CPAMD8: variants seen among roughly 807,000 people sequenced by gnomAD.
The protein encoded by CPAMD8 is C3 and PZP-like alpha-2-macroglobulin domain-containing protein 8.
In CPAMD8, 146 loss-of-function variants were observed where a neutral mutation model predicts 224.7. That is an observed-to-expected ratio of 0.65 (90% CI 0.57 to 0.75). The LOEUF is 0.75. Among genes scored for constraint, CPAMD8 ranks in the 30% least tolerant of loss-of-function variants. CPAMD8 has a pLI of 0.00. For synonymous variants in CPAMD8, 966 were observed against 1,044.6 expected (o/e 0.92, Z 1.45); for missense variants, 2,301 against 2,537.5 (o/e 0.91, Z 2.00).
Position 16,980,523 on chromosome 19 carries a change from A to G in CPAMD8, c.1559T>C (p.Ile520Thr), listed in dbSNP as rs1157247547. 6.2e-7 allele frequency: 1 copy of G among 1,613,670 alleles called. No individual in the cohort carries two copies. The highest frequency in any genetic ancestry group is 1.3e-5 in the African/African-American group (1 of 74,902). ...KRAAPALEKPIRLTHLSETEP... is the reference protein window; with the variant it reads ...KRAAPALEKPTRLTHLSETEP... ...TGTCTCAGAAAGGTGTGTTAAACGAATCGGTTTCTCCAGGGCAGGGGCCGC... is the reference window on the plus strand; with the variant it reads ...TGTCTCAGAAAGGTGTGTTAAACGAGTCGGTTTCTCCAGGGCAGGGGCCGC... Residue 520 changes from isoleucine to threonine, a missense_variant, in exon 14 of 42, where the codon ATT becomes ACT. Physicochemically the swap from Ile to Thr is moderately conservative, Grantham distance 89 (BLOSUM62 -1). Transcript: ENST00000443236.
At chr19:16,901,661 C>G (rs1262080172) in intron 35 of CPAMD8, among the ~76,000 whole-genome samples, 1 of 152,202 alleles carries the variant, frequency 6.6e-6, no homozygotes, top group Non-Finnish European at 1.5e-5. Flanking sequence ...TTCAACACTG[C>G]CACCCTGCAG....
At chr19:16,924,839 C>T (rs2053301433) in intron 26 of CPAMD8, among the ~76,000 whole-genome samples, 2 of 152,238 alleles carry the variant, frequency 1.3e-5, no homozygotes, top group South Asian at 4.1e-4. Flanking sequence ...CCTGCCTCGG[C>T]CTCCCAAAGT....
chr19:16,957,156 C>T (rs1185524338), intron 19 of CPAMD8, among the ~76,000 whole-genome samples: 1 of 152,142 alleles, frequency 6.6e-6, no homozygotes, highest in Non-Finnish European at 1.5e-5. Flanking sequence ...TACACATCCC[C>T]CAAAGCAGTC....
chr19:16,960,227 G>T (rs181217798), intron 18 of CPAMD8, among the ~76,000 whole-genome samples: 3 of 151,198 alleles, frequency 2.0e-5, no homozygotes, highest in Admixed American at 2.0e-4. Context: ...AAAAAAAAAG[G>T]CTTTCTCAAA....
chr19:16,899,470 G>A lies in CPAMD8; in HGVS notation c.4848+5C>T, dbSNP rs1210078047. 1 of 1,448,620 alleles carries A rather than the reference G, an allele frequency of 6.9e-7. No homozygotes were observed. Among genetic ancestry groups the A allele is most frequent in the Admixed American group, 1.7e-5 (1 of 59,804 alleles). 89.7% of individuals were successfully genotyped at this position (1,448,620 alleles called of 1,614,324 possible). On this transcript the variant is annotated splice_donor_5th_base_variant and intron_variant, in intron 37 of 41. Coordinates refer to ENST00000443236, the MANE Select transcript of CPAMD8 (RefSeq NM_015692.5). The surrounding 1 kb of genome is among the most constrained non-coding windows in gnomAD (Gnocchi z 5.4). ...GCCTCCTCCACCAACCCCGGCTGGT[G>A]GTACCTCATCAAAGTAGAAGAGCAC...
intron 22 of CPAMD8, among the ~76,000 whole-genome samples, chr19:16,942,267 A>G (rs887076651): frequency 1.3e-5 from 2 of 151,832 alleles, no homozygotes; most frequent in South Asian, 2.1e-4. Context: ...TTCAAGACCA[A>G]CCTGGCCAAC....
intron 15 of CPAMD8, 25 bp downstream of exon 15, chr19:16,977,343 C>G: frequency 6.3e-7 from 1 of 1,577,976 alleles, no homozygotes; most frequent in Non-Finnish European, 8.7e-7. Flanking sequence ...TGGCTGTGTC[C>G]CAGGTTCAGT....
chr19:16,948,848 G>GA (rs2054194856), intron 20 of CPAMD8, among the ~76,000 whole-genome samples: 1 of 117,410 alleles, frequency 8.5e-6, no homozygotes, highest in Admixed American at 9.0e-5. Flanking sequence ...GAAGGGAAGA[G>GA]AAGGGAAGGG....
In CPAMD8 at chr19:16,990,863, C is replaced by CAAAAA. The variant is rs3067791; in HGVS notation, c.1267-1097_1267-1093dup. ...GGGCAATAAGAGCAAAACTCTGTCT[C>CAAAAA]AAAAAAAAAAAAAAAAAAAAAAAAA... On this transcript the variant is annotated intron_variant, in intron 12 of 41. Transcript: ENST00000443236. 1.1e-3 allele frequency among the ~76,000 whole-genome samples: 80 copies of CAAAAA among 73,136 alleles called. 1 individual carries two copies. The highest frequency in any genetic ancestry group is 4.0e-3 in the African/African-American group (67 of 16,596). The allele number at this position is 73,136 out of a possible 152,430, so 48.0% of individuals were successfully genotyped here.
intron 23 of CPAMD8, among the ~76,000 whole-genome samples, chr19:16,930,685 G>A (rs1242264008): frequency 6.6e-6 from 1 of 152,066 alleles, no homozygotes; most frequent in Non-Finnish European, 1.5e-5. Flanking sequence ...GATCCTCGTG[G>A]GCCACAGACT....
intron 26 of CPAMD8, among the ~76,000 whole-genome samples, chr19:16,922,935 C>T (rs11086046): frequency 0.049 from 7,422 of 152,310 alleles, 510 homozygotes; most frequent in African/African-American, 0.15. Flanking sequence ...ATTGCCCCTT[C>T]GTGACTACTG....
chr19:16,992,202 TG>T (rs979130073), intron 12 of CPAMD8, among the ~76,000 whole-genome samples: 2 of 152,154 alleles, frequency 1.3e-5, no homozygotes, highest in African/African-American at 4.8e-5. Context: ...AGCTCCAGTT[TG>T]GAGACCTCTC....
At chr19:16,950,444 CTGCA>C in intron 20 of CPAMD8, among the ~76,000 whole-genome samples, 1 of 152,176 alleles carries the variant, frequency 6.6e-6, no homozygotes, top group Non-Finnish European at 1.5e-5. Context: ...ATCTCACATC[CTGCA>C]TGACGGGATC....
chr19:16,939,191 C>T (rs199574687), intron 22 of CPAMD8, among the ~76,000 whole-genome samples: 2 of 71,196 alleles, frequency 2.8e-5, no homozygotes, highest in African/African-American at 1.0e-4. Flanking sequence ...ATTTATTTAT[C>T]TATCTATCTA....
chr19:16,962,563 T>A (rs958497364), intron 18 of CPAMD8, among the ~76,000 whole-genome samples: 42 of 152,316 alleles, frequency 2.8e-4, no homozygotes, highest in African/African-American at 8.9e-4. Flanking sequence ...AATCTACGTC[T>A]GATTGGTGTA....
At chr19:16,991,358 G>A (rs2055943167) in intron 12 of CPAMD8, among the ~76,000 whole-genome samples, 1 of 152,136 alleles carries the variant, frequency 6.6e-6, no homozygotes, top group Non-Finnish European at 1.5e-5. Context: ...AGGTGGCCCG[G>A]GGACCCCTGG....
chr19:16,965,467 A>C (rs1177198457), intron 18 of CPAMD8, among the ~76,000 whole-genome samples: 1 of 152,188 alleles, frequency 6.6e-6, no homozygotes, highest in African/African-American at 2.4e-5. Flanking sequence ...CTCCTATTCA[A>C]CGTAGTGTTG....
At chr19:16,964,037 G>A (rs1338875833) in intron 18 of CPAMD8, among the ~76,000 whole-genome samples, 2 of 152,186 alleles carry the variant, frequency 1.3e-5, no homozygotes, top group African/African-American at 4.8e-5. Flanking sequence ...CACATTTAAA[G>A]CAGTGTGTAG....
intron 41 of CPAMD8, chr19:16,895,923 A>ACGCGCG (rs747910762): frequency 1.0e-5 from 6 of 595,394 alleles, no homozygotes; most frequent in African/African-American, 3.9e-5. Context: ...ACACACACAC[A>ACGCGCG]CACACGCGCG....
Sources: gnomAD v4.1 joint callset for allele counts (sites outside exome capture counted in the v4.1 genomes callset) on GRCh38, gnomAD v4.1.1 for gene constraint, Gnocchi (gnomAD v3.1) non-coding constraint, MANE v1.5 for transcripts, NCBI Gene and HGNC (gene_info 2026-07-23, HGNC 2026-07-21) for gene names.